Variants in HAPLN3 observed in about 807,000 individuals in gnomAD.
HAPLN3 encodes extracellular link domain containing, 1.
A neutral mutation model predicts 28.1 loss-of-function variants in HAPLN3; 28 were observed. That is an observed-to-expected ratio of 1.00 (90% confidence interval 0.74 to 1.37). The LOEUF is 1.37. Among genes scored for constraint, HAPLN3 ranks in the 40% most tolerant of loss-of-function variants. HAPLN3 has a pLI of 0.00. For missense variants in HAPLN3, 513 were observed against 504.6 expected, an observed-to-expected ratio of 1.02 and a Z score of -0.16; for synonymous variants, 211 against 213.1, an observed-to-expected ratio of 0.99 and a Z score of 0.09.
rs1236106125 is a variant in HAPLN3 at position 88,877,864 on chromosome 15, T to C, written c.*106A>G. 1.8e-6 allele frequency: 2 copies of C among 1,120,760 alleles called. No individual in the cohort carries two copies. Among genetic ancestry groups the C allele is most frequent in the Admixed American group, 3.0e-5 (1 of 33,180 alleles). The allele number at this position is 1,120,760 out of a possible 1,614,324, so 69.4% of individuals were successfully genotyped here. ...AAAAATGTTTAAAGAAAATTTAAAT[T>C]GAGAAGTATAAAAACAGTTAAAATG... is the stretch of plus-strand genomic sequence containing the variant. On this transcript the variant is annotated 3_prime_UTR_variant, in exon 5 of 5. Transcript: ENST00000359595. This position sits in a 1 kb window ranked among gnomAD's most constrained non-coding sequence, Gnocchi z 5.1.
rs752406247 is a variant in HAPLN3 at position 88,887,260 on chromosome 15, G to A, written c.39C>T (p.Pro13=). The A allele has an allele frequency of 1.7e-5, 28 of 1,614,026 alleles. No homozygotes were observed. The highest frequency in any genetic ancestry group is 1.0e-4 in the Admixed American group (6 of 59,994). ...TGTAGAAGGGCAGTCCGTAGGAGCC[G>A]GGCAGCAGGAGCAACGGGACCAGGA... ...LLLLVPLLLL[P]GSYGLPFYNG... The change falls in exon 2 of 5, where the codon CCC becomes CCT. Residue 13 remains proline, a synonymous_variant. Coordinates refer to ENST00000359595, the MANE Select transcript of HAPLN3 (RefSeq NM_178232.4).
intron 4 of HAPLN3, 81 bp from the exon 5 acceptor site, chr15:88,878,337 C>T: frequency 7.5e-7 from 1 of 1,327,400 alleles, no homozygotes. Context: ...ATGCCAGCCC[C>T]AAAGACCCGT....
intron 1 of HAPLN3, 103 bp from the exon 2 acceptor site, chr15:88,887,448 C>A (rs748252596): frequency 2.4e-5 from 25 of 1,059,458 alleles, no homozygotes; most frequent in Non-Finnish European, 3.1e-5. Context: ...CAGCTCACTG[C>A]GGGACACCTG....
intron 1 of HAPLN3, among the ~76,000 whole-genome samples, chr15:88,887,775 C>A (rs1425954131): frequency 6.6e-6 from 1 of 151,918 alleles, no homozygotes; most frequent in African/African-American, 2.4e-5. Flanking sequence ...GCCAGCCTGG[C>A]CAACATGGAG....
At chr15:88,887,977 A>C (rs1439080625) in intron 1 of HAPLN3, among the ~76,000 whole-genome samples, 3 of 152,174 alleles carry the variant, frequency 2.0e-5, no homozygotes, top group African/African-American at 7.2e-5. Flanking sequence ...AAAAAGAAAA[A>C]AGAAAGAAAA....
intron 2 of HAPLN3, among the ~76,000 whole-genome samples, chr15:88,883,774 C>G (rs1459008122): frequency 2.0e-5 from 3 of 152,172 alleles, no homozygotes; most frequent in Admixed American, 6.5e-5. Flanking sequence ...AGAAAGTTTT[C>G]TAAATCATAA....
In HAPLN3 at chr15:88,880,503, C is replaced by G; in HGVS notation, c.493+854G>C. 1 of 1,270,762 alleles carries G rather than the reference C, an allele frequency of 7.9e-7. No individual in the cohort carries two copies. Among genetic ancestry groups the G allele is most frequent in the South Asian group, 1.3e-5 (1 of 79,874 alleles). 78.7% of individuals were successfully genotyped at this position (1,270,762 alleles called of 1,614,324 possible). A position where few individuals can be genotyped will look rare whatever the true frequency, so the allele number is the denominator to read the frequency against. On this transcript the variant is annotated intron_variant, in intron 3 of 4. Coordinates refer to ENST00000359595, the MANE Select transcript of HAPLN3 (RefSeq NM_178232.4). The surrounding 1 kb of genome is among the most constrained non-coding windows in gnomAD (Gnocchi z 6.0). ...GCTCTAAGGGGGATGAGGCATTTAC[C>G]CACATGTCATAGCTGGGACGGGCTG... is the stretch of plus-strand genomic sequence containing the variant.
At chr15:88,894,858 C>G (rs550127347) in intron 1 of HAPLN3, among the ~76,000 whole-genome samples, 1 of 152,238 alleles carries the variant, frequency 6.6e-6, no homozygotes, top group East Asian at 1.9e-4. Flanking sequence ...CTCCACCCTC[C>G]CTACCCTTCT....
In HAPLN3 at chr15:88,879,714, A is replaced by G. The variant is rs1897644764; in HGVS notation, c.494-445T>C. 1 of 1,176,744 alleles carries G rather than the reference A, an allele frequency of 8.5e-7. No homozygotes were observed. The highest frequency in any genetic ancestry group is 1.1e-6 in the Non-Finnish European group (1 of 936,282). The allele number at this position is 1,176,744 out of a possible 1,614,324, so 72.9% of individuals were successfully genotyped here. A position where few individuals can be genotyped will look rare whatever the true frequency, so the allele number is the denominator to read the frequency against. ...CCTAGGAAAATGCAAGGAACTTTCC[A>G]CGTGTGGCAGATGATTTTCAGGAGA... On this transcript the variant is annotated intron_variant, in intron 3 of 4. Transcript: ENST00000359595. The surrounding 1 kb of genome is among the most constrained non-coding windows in gnomAD (Gnocchi z 5.0).
At position 88,880,415 on chromosome 15, in the gene HAPLN3, G is replaced by C; in HGVS notation, c.493+942C>G. 1 of 1,178,574 alleles carries C rather than the reference G, an allele frequency of 8.5e-7. No individual in the cohort carries two copies. The highest frequency in any genetic ancestry group is 1.1e-6 in the Non-Finnish European group (1 of 934,616). The allele number at this position is 1,178,574 out of a possible 1,614,324, so 73.0% of individuals were successfully genotyped here. A position where few individuals can be genotyped will look rare whatever the true frequency, so the allele number is the denominator to read the frequency against. ...TAAGGACATACATCTTATCCTCATT[G>C]CCTCTGAGGGAGGTAAAGGAGGAAA... On this transcript the variant is annotated intron_variant, in intron 3 of 4. Transcript: ENST00000359595. The surrounding 1 kb of genome is among the most constrained non-coding windows in gnomAD (Gnocchi z 6.0).
rs182871593 is a variant in HAPLN3, at chr15:88,879,184, C to T, written c.579G>A (p.Ala193=). 336 of 1,613,812 alleles carry T rather than the reference C, an allele frequency of 2.1e-4. No homozygotes were observed. Among genetic ancestry groups the T allele is most frequent in the Non-Finnish European group, 2.6e-4 (306 of 1,179,964 alleles). Residue 193 remains alanine (A), a synonymous_variant, in exon 4 of 5, where the codon GCG becomes GCA. Coordinates refer to ENST00000359595, the MANE Select transcript of HAPLN3 (RefSeq NM_178232.4). The surrounding 1 kb of genome is among the most constrained non-coding windows in gnomAD (Gnocchi z 5.0). The part of the protein sequence containing the change: ...EGQQVCAEQA[A]VVASFEQLFR... ...AGAGCTGCTCAAAGGAGGCCACCAC[C>T]GCAGCCTGCTCTGCACAGACCTGCT...
intron 1 of HAPLN3, among the ~76,000 whole-genome samples, chr15:88,890,386 A>T (rs1021365579): frequency 1.8e-4 from 27 of 152,182 alleles, no homozygotes; most frequent in African/African-American, 6.5e-4. Flanking sequence ...CAATGGGGCA[A>T]CCTGGTACAG....
chr15:88,883,746 T>A (rs1253554713), intron 2 of HAPLN3, among the ~76,000 whole-genome samples: 1 of 152,266 alleles, frequency 6.6e-6, no homozygotes, highest in East Asian at 1.9e-4. Flanking sequence ...ATGTATGACA[T>A]GAGCTGGTTT....
At position 88,895,242 on chromosome 15, in the gene HAPLN3, C is replaced by T. The variant is rs969113363; in HGVS notation, c.-48+217G>A. Among the ~76,000 whole-genome samples, 1 of 152,144 alleles carries T rather than the reference C, an allele frequency of 6.6e-6. No homozygotes were observed. The highest frequency in any genetic ancestry group is 1.5e-5 in the Non-Finnish European group (1 of 68,012). On this transcript the variant is annotated intron_variant, in intron 1 of 4. Transcript: ENST00000359595. The surrounding 1 kb of genome is among the most constrained non-coding windows in gnomAD (Gnocchi z 5.5). ...GGGCACGAGGGTCCGGCGCCCGCAT[C>T]CCCGCGCCGCTCCCTCCCCACTTGT...
intron 2 of HAPLN3, among the ~76,000 whole-genome samples, chr15:88,885,577 C>T (rs1372033984): frequency 6.6e-6 from 1 of 152,002 alleles, no homozygotes; most frequent in African/African-American, 2.4e-5. Context: ...CCTGCCTCAG[C>T]CTCCTGAGAA....
intron 2 of HAPLN3, among the ~76,000 whole-genome samples, chr15:88,882,851 T>C (rs1188621963): frequency 6.6e-6 from 1 of 152,010 alleles, no homozygotes; most frequent in Non-Finnish European, 1.5e-5. Flanking sequence ...AAAAAAATTT[T>C]TAAAACTAGC....
At chr15:88,887,663 A>T (rs1358474821) in intron 1 of HAPLN3, among the ~76,000 whole-genome samples, 1 of 152,182 alleles carries the variant, frequency 6.6e-6, no homozygotes, top group East Asian at 1.9e-4. Flanking sequence ...TCAAGCCAGA[A>T]TTTGAAAGGT....
At position 88,878,034 on chromosome 15, in the gene HAPLN3, C is replaced by G; in HGVS notation, c.1019G>C (p.Arg340Pro). 4 of 1,614,016 alleles carry G rather than the reference C, an allele frequency of 2.5e-6. No homozygotes were observed. The highest frequency in any genetic ancestry group is 3.4e-6 in the Non-Finnish European group (4 of 1,180,016). Residue 340 changes from arginine to proline, a missense_variant, in exon 5 of 5, where the codon CGA becomes CCA. Transcript: ENST00000359595. ...PNCGPPEPGV[R>P]SFGFPDPQSR... ...CTGCGGGTCGGGGAAGCCAAAGCTT[C>G]GGACCCCAGGCTCTGGGGGCCCACA...
In HAPLN3 at chr15:88,888,612, C is replaced by T. The variant is rs563435213; in HGVS notation, c.-47-1267G>A. ...AGGGCTACTGCCTCACTCATGTCACCCTAGCCCTGCTCACCTGCCATTTAC... is the reference window on the plus strand; with the variant it reads ...AGGGCTACTGCCTCACTCATGTCACTCTAGCCCTGCTCACCTGCCATTTAC... On this transcript the variant is annotated intron_variant, in intron 1 of 4. Transcript: ENST00000359595. This position sits in a 1 kb window ranked among gnomAD's most constrained non-coding sequence, Gnocchi z 4.1. Among the ~76,000 whole-genome samples, 1 of 152,252 alleles carries T rather than the reference C, an allele frequency of 6.6e-6. No individual in the cohort carries two copies. The highest frequency in any genetic ancestry group is 1.9e-4 in the East Asian group (1 of 5,182).
Sources: gnomAD v4.1 joint callset for allele counts (sites outside exome capture counted in the v4.1 genomes callset) on GRCh38, gnomAD v4.1.1 for gene constraint, Gnocchi (gnomAD v3.1) non-coding constraint, MANE v1.5 for transcripts, NCBI Gene and HGNC (gene_info 2026-07-23, HGNC 2026-07-21) for gene names.